KLF10: variants seen among roughly 807,000 people sequenced by gnomAD.
The protein encoded by KLF10 is KLF transcription factor 10.
A neutral mutation model predicts 31.6 loss-of-function variants in KLF10; 17 were observed. The observed-to-expected ratio is 0.54, with a 90% CI of 0.37 to 0.81. The LOEUF is 0.81. KLF10 is among the 30% of genes least tolerant of loss of function. The pLI is 0.00. For missense variants in KLF10, 525 were observed against 598.1 expected (o/e 0.88, Z 1.27); for synonymous variants, 239 against 215.1 (o/e 1.11, Z -0.97).
chr8:102,654,960 C>G (rs978730319), intron 1 of KLF10, among the ~76,000 whole-genome samples: 2 of 152,110 alleles, frequency 1.3e-5, no homozygotes, highest in African/African-American at 2.4e-5. Flanking sequence ...CATCCCCCCG[C>G]TCCGACGACA....
In KLF10 at chr8:102,651,648, A is replaced by C. The variant is rs377740938; in HGVS notation, c.684T>G (p.Leu228=). The change falls in exon 3 of 4, where the codon CTT becomes CTG. Residue 228 remains leucine, a synonymous_variant. Transcript: ENST00000285407. ...ADVDEKASAA[L]YDFSVPSSET... ...CTGAGGAAGGCACAGAAAAGTCATA[A>C]AGTGCAGCACTTGCTTTCTCATCAA... is the stretch of plus-strand genomic sequence containing the variant. 5.0e-5 allele frequency: 80 copies of C among 1,614,108 alleles called. No individual in the cohort carries two copies. The highest frequency in any genetic ancestry group is 6.3e-5 in the Non-Finnish European group (74 of 1,180,050).
rs1350384937 is a variant in KLF10, at chr8:102,655,708, G to C, written c.-107C>G. ...ACTCGACGCCGCTCCCGCCGCCGCC[G>C]CGCTCAGCGCCGTCTGCCCCCTCCC... On this transcript the variant is annotated 5_prime_UTR_variant, in exon 1 of 4. Coordinates refer to ENST00000285407, the MANE Select transcript of KLF10 (RefSeq NM_005655.4). The C allele has an allele frequency of 2.3e-6, 3 of 1,306,166 alleles. No homozygotes were observed. The highest frequency in any genetic ancestry group is 2.0e-5 in the Admixed American group (1 of 50,660). 80.9% of individuals were successfully genotyped at this position (1,306,166 alleles called of 1,614,324 possible). A position where few individuals can be genotyped will look rare whatever the true frequency, so the allele number is the denominator to read the frequency against.
chr8:102,650,513 T>G (rs1221515324), intron 3 of KLF10, 122 bp from the exon 4 acceptor site: 24 of 1,012,228 alleles, frequency 2.4e-5, no homozygotes, highest in Non-Finnish European at 2.8e-5. Flanking sequence ...AATCAAACTG[T>G]CAAATGAATA....
chr8:102,655,532 C>G (rs751387106), intron 1 of KLF10, 34 bp downstream of exon 1: 3 of 1,613,550 alleles, frequency 1.9e-6, no homozygotes, highest in African/African-American at 2.7e-5. Context: ...CAAGACCAGG[C>G]GAGGAAGCAC....
chr8:102,651,656 C>T lies in KLF10; in HGVS notation c.676G>A (p.Ala226Thr). Residue 226 changes from alanine to threonine, a missense_variant, in exon 3 of 4, where the codon GCT becomes ACT. Coordinates refer to ENST00000285407, the MANE Select transcript of KLF10 (RefSeq NM_005655.4). ...TVADVDEKAS[A>T]ALYDFSVPSS... ...GGCACAGAAAAGTCATAAAGTGCAG[C>T]ACTTGCTTTCTCATCAACATCTGCC... is the stretch of plus-strand genomic sequence containing the variant. The T allele has an allele frequency of 1.2e-6, 2 of 1,614,272 alleles. No homozygotes were observed. The highest frequency in any genetic ancestry group is 1.7e-6 in the Non-Finnish European group (2 of 1,180,050).
chr8:102,653,793 T>C, intron 1 of KLF10: 3 of 1,050,164 alleles, frequency 2.9e-6, no homozygotes, highest in South Asian at 3.7e-5. Context: ...GAGCGTGAGC[T>C]GGGAAGGACA....
At chr8:102,654,629 T>G (rs944102025) in intron 1 of KLF10, among the ~76,000 whole-genome samples, 2 of 151,616 alleles carry the variant, frequency 1.3e-5, no homozygotes, top group African/African-American at 4.9e-5. Flanking sequence ...CGTCTCTCCC[T>G]GTAGACGCGG....
At position 102,651,478 on chromosome 8, in the gene KLF10, A is replaced by T. The variant is rs1486852119; in HGVS notation, c.854T>A (p.Val285Asp). 1 of 1,614,002 alleles carries T rather than the reference A, an allele frequency of 6.2e-7. No homozygotes were observed. The highest frequency in any genetic ancestry group is 8.5e-7 in the Non-Finnish European group (1 of 1,179,930). ...QMVPLPANNP[V>D]VTTVVPSTPP... ...AGTGCTGGGAACGACTGTTGTCACAACAGGGTTGTTGGCAGGAAGGGGAAC... is the reference window on the plus strand; with the variant it reads ...AGTGCTGGGAACGACTGTTGTCACATCAGGGTTGTTGGCAGGAAGGGGAAC... The change falls in exon 3 of 4, where the codon GTT becomes GAT. Residue 285 changes from valine to aspartate, a missense_variant. Physicochemically the swap from Val to Asp is radical, Grantham distance 152 (BLOSUM62 -3). Around this residue, in one of 3 missense-constraint regions of KLF10, gnomAD observed 434 missense variants for 450.7 expected, o/e 0.96. Transcript: ENST00000285407.
Position 102,650,116 on chromosome 8 carries a change from T to G in KLF10, c.*16A>C. The G allele has an allele frequency of 6.2e-7, 1 of 1,613,416 alleles. No homozygotes were observed. The highest frequency in any genetic ancestry group is 8.5e-7 in the Non-Finnish European group (1 of 1,179,440). On this transcript the variant is annotated 3_prime_UTR_variant, in exon 4 of 4. Coordinates refer to ENST00000285407, the MANE Select transcript of KLF10 (RefSeq NM_005655.4). ...CTGAGACCAAAGTTAGTTCTGACTC[T>G]TCACTTTCCGGTCTGTCACTGTGTG...
intron 1 of KLF10, 137 bp from the exon 2 acceptor site, chr8:102,652,534 C>G (rs911607371): frequency 1.7e-6 from 1 of 577,378 alleles, no homozygotes. Flanking sequence ...AATAATTTTC[C>G]TCTCACACTT....
Position 102,649,720 on chromosome 8 carries a change from A to T in KLF10, c.*412T>A. 1 of 196,630 alleles carries T rather than the reference A, an allele frequency of 5.1e-6. No individual in the cohort carries two copies. The highest frequency in any genetic ancestry group is 2.3e-5 in the African/African-American group (1 of 42,772). The allele number at this position is 196,630 out of a possible 1,614,324, so 12.2% of individuals were successfully genotyped here. On this transcript the variant is annotated 3_prime_UTR_variant, in exon 4 of 4. Coordinates refer to ENST00000285407, the MANE Select transcript of KLF10 (RefSeq NM_005655.4). ...TTTTACATCTCCATGTCTGTACCGTAATGTTTATTTCCTTCCAGCCTCCAT... is the reference window on the plus strand; with the variant it reads ...TTTTACATCTCCATGTCTGTACCGTTATGTTTATTTCCTTCCAGCCTCCAT...
At chr8:102,654,723 G>A (rs1207427837) in intron 1 of KLF10, among the ~76,000 whole-genome samples, 1 of 151,188 alleles carries the variant, frequency 6.6e-6, no homozygotes. Flanking sequence ...GCCCCCACAG[G>A]CCCCGGCTCC....
At position 102,651,822 on chromosome 8, in the gene KLF10, G is replaced by C. The variant is rs189062151; in HGVS notation, c.510C>G (p.Cys170Trp). ...TGAGGATGCTGGCTGCTTTCATTGG[G>C]CAGGTCTGGTGGTTACATAGCTGGG... ...ADAQLCNHQT[C>W]PMKAASILNY... Residue 170 changes from cysteine to tryptophan, a missense_variant, in exon 3 of 4, where the codon TGC becomes TGG. Around this residue, in one of 3 missense-constraint regions of KLF10, gnomAD observed 434 missense variants for 450.7 expected, o/e 0.96. Transcript: ENST00000285407. 6.2e-7 allele frequency: 1 copy of C among 1,614,200 alleles called. No homozygotes were observed. The highest frequency in any genetic ancestry group is 8.5e-7 in the Non-Finnish European group (1 of 1,180,034).
In KLF10 at chr8:102,655,675, A is replaced by T; in HGVS notation, c.-74T>A. ...TGGCTGCTTGGCCACAGACGGGCGC[A>T]CGGAGACACTCGACGCCGCTCCCGC... On this transcript the variant is annotated 5_prime_UTR_variant, in exon 1 of 4. Coordinates refer to ENST00000285407, the MANE Select transcript of KLF10 (RefSeq NM_005655.4). The T allele has an allele frequency of 1.3e-6, 2 of 1,556,496 alleles. No homozygotes were observed. Among genetic ancestry groups the T allele is most frequent in the Non-Finnish European group, 1.8e-6 (2 of 1,136,830 alleles).
chr8:102,650,125 C>T lies in KLF10; in HGVS notation c.*7G>A, dbSNP rs138885279. 0.025 allele frequency: 40,157 copies of T among 1,613,606 alleles called. 631 individuals carry two copies. The highest frequency in any genetic ancestry group is 0.042 in the South Asian group (3,837 of 91,028). On this transcript the variant is annotated 3_prime_UTR_variant, in exon 4 of 4. Transcript: ENST00000285407. The stretch of plus-strand genomic sequence containing the variant: ...AAGTTAGTTCTGACTCTTCACTTTC[C>T]GGTCTGTCACTGTGTGGGAGCAGGG...
Position 102,650,013 on chromosome 8 carries a change from T to C in KLF10, c.*119A>G. The C allele has an allele frequency of 7.5e-7, 1 of 1,336,480 alleles. No individual in the cohort carries two copies. The highest frequency in any genetic ancestry group is 1.0e-6 in the Non-Finnish European group (1 of 986,198). The allele number at this position is 1,336,480 out of a possible 1,614,324, so 82.8% of individuals were successfully genotyped here. ...CAGGCGGGGCCTTCGTGCCAGGCTG[T>C]GGGGCTTCTGCTTTAAGCCCACGTT... On this transcript the variant is annotated 3_prime_UTR_variant, in exon 4 of 4. Transcript: ENST00000285407.
rs1827207296 is a variant in KLF10 at position 102,651,446 on chromosome 8, T to G, written c.886A>C (p.Ser296Arg). The stretch of plus-strand genomic sequence containing the variant: ...GGGGGGCAAACGGCTGGTGGCTGGC[T>G]GGGAGGAGTGCTGGGAACGACTGTT... ...VTTVVPSTPP[S>R]QPPAVCPPVV... Residue 296 changes from serine (S) to arginine (R), a missense_variant, in exon 3 of 4, where the codon AGC (serine) becomes CGC (arginine). Around this residue, in one of 3 missense-constraint regions of KLF10, gnomAD observed 434 missense variants for 450.7 expected, o/e 0.96. Transcript: ENST00000285407. 1.2e-6 allele frequency: 2 copies of G among 1,613,918 alleles called. No homozygotes were observed. The highest frequency in any genetic ancestry group is 1.3e-5 in the African/African-American group (1 of 75,034).
Position 102,649,506 on chromosome 8 carries a change from G to A in KLF10, c.*626C>T, listed in dbSNP as rs191662533. On this transcript the variant is annotated 3_prime_UTR_variant, in exon 4 of 4. Coordinates refer to ENST00000285407, the MANE Select transcript of KLF10 (RefSeq NM_005655.4). ...TATGCTTCAAAGCAATTAAATTAAG[G>A]AGGATTCCAATTCTTTGGGCCCTCT... The A allele has an allele frequency of 6.6e-6, 1 of 152,366 alleles. No individual in the cohort carries two copies. Among genetic ancestry groups the A allele is most frequent in the Admixed American group, 6.5e-5 (1 of 15,308 alleles). The allele number at this position is 152,366 out of a possible 1,614,324, so 9.4% of individuals were successfully genotyped here.
intron 1 of KLF10, chr8:102,653,713 G>A (rs1195048267): frequency 1.6e-6 from 2 of 1,215,068 alleles, no homozygotes; most frequent in Non-Finnish European, 1.0e-6. Flanking sequence ...TGGACAGCGC[G>A]CGTGTGTGTA....
Sources: gnomAD v4.1 joint callset for allele counts (sites outside exome capture counted in the v4.1 genomes callset) on GRCh38, gnomAD v4.1.1 for gene constraint, gnomAD v4.1.1 regional missense constraint, MANE v1.5 for transcripts, NCBI Gene and HGNC (gene_info 2026-07-23, HGNC 2026-07-21) for gene names.